CDC14A: variants seen among roughly 807,000 people sequenced by gnomAD.
CDC14A encodes cell division cycle 14A, also known as dual specificity protein phosphatase CDC14A.
Under a neutral mutation model 74.4 loss-of-function variants are expected in CDC14A, and 53 were observed. That is an observed-to-expected ratio of 0.71 (90% CI 0.57 to 0.89). CDC14A has a LOEUF of 0.89. Among genes scored for constraint, CDC14A ranks in the 40% least tolerant of loss-of-function variants. The pLI, the probability that CDC14A is intolerant of heterozygous loss-of-function variation, is 0.00. For missense variants in CDC14A, 646 were observed against 713.7 expected, an observed-to-expected ratio of 0.91 and a Z score of 1.08; for synonymous variants, 247 against 258.4, an observed-to-expected ratio of 0.96 and a Z score of 0.43.
chr1:100,472,038 CA>C (rs1668448872), intron 10 of CDC14A, among the ~76,000 whole-genome samples: 1 of 152,084 alleles, frequency 6.6e-6, no homozygotes, highest in Non-Finnish European at 1.5e-5. Context: ...ATGAAAACCA[CA>C]AGAGTAGGAG....
chr1:100,505,030 T>A (rs1434065144), intron 15 of CDC14A: 1 of 1,170,144 alleles, frequency 8.5e-7, no homozygotes, highest in African/African-American at 1.6e-5. Context: ...ATTGTCTGTG[T>A]ATGTAAGAAT....
chr1:100,352,067 ATG>A (rs1491487427), upstream of CDC14A, among the ~76,000 whole-genome samples: 9 of 149,006 alleles, frequency 6.0e-5, no homozygotes, highest in Non-Finnish European at 1.2e-4. Context: ...AAGAAAGAGA[ATG>A]AGAGAGAGAG....
rs149941795 is a variant in CDC14A at position 100,489,160 on chromosome 1, C to T, written c.1137+4709C>T. Among the ~76,000 whole-genome samples, 806 of 152,318 alleles carry T rather than the reference C, an allele frequency of 5.3e-3. 25 individuals are homozygous for T. The highest frequency in any genetic ancestry group is 5.2e-3 in the South Asian group (25 of 4,824). On this transcript the variant is annotated intron_variant, in intron 11 of 15. Coordinates refer to ENST00000336454, the MANE Select transcript of CDC14A (RefSeq NM_003672.4). ...ATGACATCTTTGCCTTTCCCCAGCA[C>T]TTACATCTCATAGGTTCAACATCTG...
chr1:100,431,969 C>T (rs771689343), intron 5 of CDC14A, among the ~76,000 whole-genome samples: 1 of 152,128 alleles, frequency 6.6e-6, no homozygotes, highest in Non-Finnish European at 1.5e-5. Context: ...AGATTTTATT[C>T]TGCTGATTTC....
intron 1 of CDC14A, among the ~76,000 whole-genome samples, chr1:100,345,662 T>C (rs1355441154): frequency 6.6e-6 from 1 of 152,186 alleles, no homozygotes; most frequent in Admixed American, 6.5e-5. Context: ...TTATACATTC[T>C]CCAAATACAT....
At chr1:100,464,847 T>C (rs1347110879) in intron 9 of CDC14A, among the ~76,000 whole-genome samples, 2 of 152,188 alleles carry the variant, frequency 1.3e-5, no homozygotes, top group East Asian at 3.8e-4. Context: ...ATTTTCTCTA[T>C]ATCCTTGACC....
intron 4 of CDC14A, among the ~76,000 whole-genome samples, chr1:100,418,308 A>G (rs1661789626): frequency 6.6e-6 from 1 of 152,218 alleles, no homozygotes; most frequent in Non-Finnish European, 1.5e-5. Context: ...GAAAGGCATC[A>G]TGGGACATAG....
Position 100,396,923 on chromosome 1 carries a change from T to G in CDC14A, c.309+6099T>G, listed in dbSNP as rs191988942. 3.1e-3 allele frequency among the ~76,000 whole-genome samples: 470 copies of G among 152,326 alleles called. 12 individuals carry two copies. The highest frequency in any genetic ancestry group is 0.028 in the Admixed American group (435 of 15,306). Reference sequence around the variant, plus strand: ...TTTTATGCTTTCTCTCATAGAGCTGTCATAAGGATCAAAAAGGAGATAAAA... The same window carrying G: ...TTTTATGCTTTCTCTCATAGAGCTGGCATAAGGATCAAAAAGGAGATAAAA... On this transcript the variant is annotated intron_variant, in intron 4 of 15. Coordinates refer to ENST00000336454, the MANE Select transcript of CDC14A (RefSeq NM_003672.4).
intron 6 of CDC14A, among the ~76,000 whole-genome samples, chr1:100,441,892 G>T (rs1342365983): frequency 6.6e-6 from 1 of 152,110 alleles, no homozygotes; most frequent in South Asian, 2.1e-4. Flanking sequence ...GATGGCGCAT[G>T]TTCTGTGTTT....
At chr1:100,390,234 G>A (rs1369204768) in intron 3 of CDC14A, among the ~76,000 whole-genome samples, 1 of 151,968 alleles carries the variant, frequency 6.6e-6, no homozygotes, top group Non-Finnish European at 1.5e-5. Context: ...ATTAAAAGGG[G>A]GTTGTTATAT....
chr1:100,359,893 C>T (rs1336954536), intron 2 of CDC14A, among the ~76,000 whole-genome samples: 4 of 151,068 alleles, frequency 2.6e-5, no homozygotes, highest in Non-Finnish European at 5.9e-5. Flanking sequence ...TTCTCTTCAT[C>T]CAAACCTTGG....
chr1:100,419,165 G>A (rs757554085), intron 4 of CDC14A, among the ~76,000 whole-genome samples: 23 of 152,310 alleles, frequency 1.5e-4, no homozygotes, highest in Admixed American at 3.9e-4. Flanking sequence ...CAGCCTGTGT[G>A]ACAGAGCCAG....
In CDC14A at chr1:100,504,908, C is replaced by T. The variant is rs1649101209; in HGVS notation, c.1755+5646C>T. On this transcript the variant is annotated intron_variant, in intron 15 of 15. Coordinates refer to ENST00000336454, the MANE Select transcript of CDC14A (RefSeq NM_003672.4). ...CATCTTTAAATAAAGACATATATTA[C>T]CTCCCATGTCTTCTGTGAAGCTCTC... The T allele has an allele frequency of 4.6e-6, 7 of 1,529,866 alleles. No homozygotes were observed. In the South Asian group the frequency reaches 7.1e-5, roughly 16 times the overall value. The allele number at this position is 1,529,866 out of a possible 1,614,324, so 94.8% of individuals were successfully genotyped here. A position where few individuals can be genotyped will look rare whatever the true frequency, so the allele number is the denominator to read the frequency against.
chr1:100,454,497 C>T lies in CDC14A; in HGVS notation c.520-908C>T, dbSNP rs145879739. ...ACTCGTGCCCCAGTGTCCCATGGTT[C>T]GGAGGCACATGGGGAAGGGAAGAAA... On this transcript the variant is annotated intron_variant, in intron 7 of 15. Transcript: ENST00000336454. Among the ~76,000 whole-genome samples the T allele has an allele frequency of 6.6e-5, 10 of 152,136 alleles. No individual in the cohort carries two copies. In the East Asian group the frequency reaches 1.3e-3, roughly 21 times the overall value.
chr1:100,349,005 GCCAACA>G (rs1439655580), upstream of CDC14A, among the ~76,000 whole-genome samples: 1 of 152,164 alleles, frequency 6.6e-6, no homozygotes, highest in East Asian at 1.9e-4. Flanking sequence ...GACCAGCCTG[GCCAACA>G]TAGTGAAATC....
At chr1:100,500,356 G>A (rs903489268) in intron 15 of CDC14A, among the ~76,000 whole-genome samples, 2 of 152,142 alleles carry the variant, frequency 1.3e-5, no homozygotes, top group African/African-American at 4.8e-5. Flanking sequence ...GAAGAGGGGA[G>A]GAGGAAAGGT....
chr1:100,433,999 T>C (rs1430589548), intron 5 of CDC14A, among the ~76,000 whole-genome samples: 1 of 152,220 alleles, frequency 6.6e-6, no homozygotes, highest in East Asian at 1.9e-4. Flanking sequence ...TCTAGTTTTC[T>C]TAAACTTAAT....
At chr1:100,489,433 C>G (rs1204510043) in intron 11 of CDC14A, among the ~76,000 whole-genome samples, 1 of 152,192 alleles carries the variant, frequency 6.6e-6, no homozygotes, top group Non-Finnish European at 1.5e-5. Flanking sequence ...CTATAGCTTA[C>G]TGTGCCACGA....
At chr1:100,431,294 C>G (rs1037723870) in intron 5 of CDC14A, among the ~76,000 whole-genome samples, 1 of 151,566 alleles carries the variant, frequency 6.6e-6, no homozygotes, top group African/African-American at 2.4e-5. Context: ...TTCGCTCAGA[C>G]TACTTTTTTT....
Sources: allele counts gnomAD v4.1 joint callset (sites outside exome capture counted in the v4.1 genomes callset), GRCh38; gene constraint gnomAD v4.1.1; transcripts MANE v1.5; gene names NCBI Gene and HGNC (gene_info 2026-07-23, HGNC 2026-07-21).